Variants in SPHKAP observed in about 807,000 individuals in gnomAD.
SPHKAP encodes the protein A-kinase anchor protein SPHKAP.
Under a neutral mutation model 137.5 loss-of-function variants are expected in SPHKAP, and 67 were observed. The observed-to-expected ratio is 0.49, with a 90% CI of 0.40 to 0.60. SPHKAP has a LOEUF of 0.60. Ranked by LOEUF, SPHKAP falls within the 20% of genes least tolerant of loss-of-function variation. SPHKAP has a pLI of 0.00. For synonymous variants in SPHKAP, 813 were observed against 785.3 expected, an observed-to-expected ratio of 1.04 and a Z score of -0.59; for missense variants, 2,097 against 2,069.3, an observed-to-expected ratio of 1.01 and a Z score of -0.26.
intron 3 of SPHKAP, among the ~76,000 whole-genome samples, chr2:228,055,076 AG>A (rs1276302558): frequency 6.9e-6 from 1 of 144,234 alleles, no homozygotes; most frequent in Non-Finnish European, 1.5e-5. Context: ...TGGGAGGCAG[AG>A]GTTGCAGTGA....
At chr2:227,998,149 G>T (rs1693704701) in intron 7 of SPHKAP, among the ~76,000 whole-genome samples, 1 of 152,186 alleles carries the variant, frequency 6.6e-6, no homozygotes, top group South Asian at 2.1e-4. Context: ...TGGGATTACA[G>T]GCATGTGTCA....
At chr2:227,990,098 A>G (rs1270558916) in intron 11 of SPHKAP, among the ~76,000 whole-genome samples, 1 of 152,186 alleles carries the variant, frequency 6.6e-6, no homozygotes, top group Non-Finnish European at 1.5e-5. Context: ...CTACAACCAC[A>G]TGGAACTGAA....
rs183748205 is a variant in SPHKAP, at chr2:228,037,474, G to T, written c.247-9931C>A. On this transcript the variant is annotated intron_variant, in intron 3 of 11. Coordinates refer to ENST00000392056, the MANE Select transcript of SPHKAP (RefSeq NM_001142644.2). ...TGACCTGGCACATTCATGTTGCAAT[G>T]TCTGCTTGAGTTACCACTCTTGATG... Among the ~76,000 whole-genome samples, 495 of 152,252 alleles carry T rather than the reference G, an allele frequency of 3.3e-3. 12 individuals are homozygous for T. Among genetic ancestry groups the T allele is most frequent in the Admixed American group, 0.031 (466 of 15,264 alleles).
At chr2:228,022,256 G>A in intron 5 of SPHKAP, 3 of 908,944 alleles carry the variant, frequency 3.3e-6, no homozygotes, top group Non-Finnish European at 3.9e-6. Flanking sequence ...AAGTTAAACA[G>A]GCAAAGAAGA....
chr2:228,088,997 A>G (rs1341814267), intron 3 of SPHKAP, among the ~76,000 whole-genome samples: 1 of 152,236 alleles, frequency 6.6e-6, no homozygotes, highest in East Asian at 1.9e-4. Context: ...TGCTATAAAG[A>G]TACCTAAAAA....
chr2:228,047,132 T>C (rs190517833), intron 3 of SPHKAP, among the ~76,000 whole-genome samples: 1 of 152,284 alleles, frequency 6.6e-6, no homozygotes, highest in East Asian at 1.9e-4. Flanking sequence ...TATTTCAACA[T>C]AAAATCACAG....
At chr2:228,034,559 C>G (rs1695499755) in intron 3 of SPHKAP, among the ~76,000 whole-genome samples, 1 of 152,154 alleles carries the variant, frequency 6.6e-6, no homozygotes, top group Non-Finnish European at 1.5e-5. Flanking sequence ...ATACCAAAGC[C>G]TGACAGAGAT....
intron 8 of SPHKAP, among the ~76,000 whole-genome samples, chr2:227,993,826 T>C (rs1011754639): frequency 6.6e-6 from 1 of 152,110 alleles, no homozygotes; most frequent in Non-Finnish European, 1.5e-5. Context: ...CAGCAGATAA[T>C]AATAATACTA....
At chr2:228,160,175 G>A (rs1700233052) in intron 1 of SPHKAP, among the ~76,000 whole-genome samples, 1 of 152,142 alleles carries the variant, frequency 6.6e-6, no homozygotes, top group African/African-American at 2.4e-5. Context: ...AGCAGGGGAG[G>A]TAGAATATTG....
Position 228,019,553 on chromosome 2 carries a change from G to C in SPHKAP, c.1301C>G (p.Ser434Cys). Residue 434 changes from serine (S) to cysteine (C), a missense_variant, in exon 7 of 12, where the codon TCC (serine) becomes TGC (cysteine). Ser to Cys is a moderately radical substitution (Grantham distance 112). Coordinates refer to ENST00000392056, the MANE Select transcript of SPHKAP (RefSeq NM_001142644.2). ...CCGAGAAACCACTGTATCTTTTGTGGAATAGCAACTGGGAAGCAGAGAACT... is the reference window on the plus strand; with the variant it reads ...CCGAGAAACCACTGTATCTTTTGTGCAATAGCAACTGGGAAGCAGAGAACT... ...VGSSLLPSCY[S>C]TKDTVVSRSW... 6.2e-7 allele frequency: 1 copy of C among 1,614,170 alleles called. No homozygotes were observed. The highest frequency in any genetic ancestry group is 2.2e-5 in the East Asian group (1 of 44,876).
In SPHKAP at chr2:227,983,667, C is replaced by T. The variant is rs149279542; in HGVS notation, c.4960-1807G>A. ...GATAAACATTTAGCATCATTGAGGACGAACTTTCACTAAGTATTCATTCTT... is the reference window on the plus strand; with the variant it reads ...GATAAACATTTAGCATCATTGAGGATGAACTTTCACTAAGTATTCATTCTT... On this transcript the variant is annotated intron_variant, in intron 11 of 11. Coordinates refer to ENST00000392056, the MANE Select transcript of SPHKAP (RefSeq NM_001142644.2). Among the ~76,000 whole-genome samples the T allele has an allele frequency of 7.1e-4, 108 of 152,294 alleles. 1 individual carries two copies. The highest frequency in any genetic ancestry group is 3.4e-3 in the Middle Eastern group (1 of 294).
At chr2:227,994,647 T>A (rs1041011562) in intron 8 of SPHKAP, among the ~76,000 whole-genome samples, 1 of 152,244 alleles carries the variant, frequency 6.6e-6, no homozygotes, top group Non-Finnish European at 1.5e-5. Context: ...TATTGAAACC[T>A]GATGGCTCAA....
intron 7 of SPHKAP, among the ~76,000 whole-genome samples, chr2:228,001,325 A>C (rs956875227): frequency 1.3e-4 from 19 of 144,020 alleles, no homozygotes; most frequent in Middle Eastern, 3.6e-3. Flanking sequence ...ATATAAATAT[A>C]TATACATATA....
At chr2:228,121,618 G>A (rs555100971) in intron 2 of SPHKAP, among the ~76,000 whole-genome samples, 67 of 152,348 alleles carry the variant, frequency 4.4e-4, no homozygotes, top group African/African-American at 1.5e-3. Flanking sequence ...GCATGCAGAT[G>A]GGCACATAAT....
At chr2:228,145,632 G>T (rs1323941952) in intron 1 of SPHKAP, among the ~76,000 whole-genome samples, 4 of 152,052 alleles carry the variant, frequency 2.6e-5, no homozygotes, top group Non-Finnish European at 5.9e-5. Context: ...CATCATGAAT[G>T]CATTTTCCAA....
At chr2:228,138,706 A>C (rs924350025) in intron 1 of SPHKAP, among the ~76,000 whole-genome samples, 1 of 152,210 alleles carries the variant, frequency 6.6e-6, no homozygotes, top group Non-Finnish European at 1.5e-5. Context: ...AGACTTCTTA[A>C]TCTCCTAGAC....
At chr2:227,987,144 T>A (rs1351474002) in intron 11 of SPHKAP, among the ~76,000 whole-genome samples, 1 of 152,154 alleles carries the variant, frequency 6.6e-6, no homozygotes, top group East Asian at 1.9e-4. Context: ...TGTGGGAAAT[T>A]GTTAAAAATG....
At chr2:228,114,058 T>C (rs1411411336) in intron 2 of SPHKAP, among the ~76,000 whole-genome samples, 4 of 152,296 alleles carry the variant, frequency 2.6e-5, no homozygotes, top group Middle Eastern at 3.4e-3. Context: ...ATATTCTCCC[T>C]GCTGAGAGAG....
intron 7 of SPHKAP, among the ~76,000 whole-genome samples, chr2:227,997,458 G>A (rs751254632): frequency 1.3e-5 from 2 of 152,012 alleles, no homozygotes; most frequent in African/African-American, 2.4e-5. Context: ...GTTTTTGGAA[G>A]ACATAAATTA....
Sources: allele counts gnomAD v4.1 joint callset (sites outside exome capture counted in the v4.1 genomes callset), GRCh38; gene constraint gnomAD v4.1.1; transcripts MANE v1.5; gene names NCBI Gene and HGNC (gene_info 2026-07-23, HGNC 2026-07-21).